Variants in STAB2 observed in about 807,000 individuals in gnomAD.
STAB2 encodes stabilin 2, also known as stabilin-2.
In STAB2, 288 loss-of-function variants were observed where a neutral mutation model predicts 338.1. The observed-to-expected ratio is 0.85, with a 90% CI of 0.77 to 0.94. The LOEUF is 0.94. STAB2 is among the 40% of genes least tolerant of loss of function. The probability of loss-of-function intolerance (pLI) is 0.00; values close to 1 mark genes in which losing one functional copy is unlikely to be tolerated. For missense variants in STAB2, 3,141 were observed against 3,210.1 expected, an observed-to-expected ratio of 0.98 and a Z score of 0.52; for synonymous variants, 1,202 against 1,193.3, an observed-to-expected ratio of 1.01 and a Z score of -0.15.
Position 103,650,566 on chromosome 12 carries a change from G to T in STAB2, c.1245G>T (p.Leu415=), listed in dbSNP as rs371422543. 3 of 1,612,810 alleles carry T rather than the reference G, an allele frequency of 1.9e-6. No individual in the cohort carries two copies. The highest frequency in any genetic ancestry group is 2.7e-5 in the African/African-American group (2 of 74,890). ...FTVLLPTDKG[L]KGFNVNELLV... is the part of the protein sequence containing the mutation. Reference sequence around the variant, plus strand: ...TGCTGTTACCTACAGACAAGGGACTGAAAGGATTCAATGTGAGTATTTAAA... The same window carrying T: ...TGCTGTTACCTACAGACAAGGGACTTAAAGGATTCAATGTGAGTATTTAAA... Residue 415 remains leucine (L), a synonymous_variant, in exon 11 of 69, where the codon CTG becomes CTT. Transcript: ENST00000388887.
chr12:103,763,393 C>T (rs991354135), intron 67 of STAB2, 99 bp from the exon 68 acceptor site: 17 of 905,476 alleles, frequency 1.9e-5, no homozygotes, highest in Non-Finnish European at 2.8e-5. Context: ...AAAGGAAAAG[C>T]TCCCAGAGGC....
At chr12:103,611,616 C>T (rs1032874083) in intron 3 of STAB2, among the ~76,000 whole-genome samples, 2 of 152,162 alleles carry the variant, frequency 1.3e-5, no homozygotes, top group Non-Finnish European at 2.9e-5. Flanking sequence ...GAGTACAGCA[C>T]ACTGATGGGT....
intron 26 of STAB2, among the ~76,000 whole-genome samples, chr12:103,684,666 C>T (rs1877232011): frequency 6.6e-6 from 1 of 152,232 alleles, no homozygotes; most frequent in Non-Finnish European, 1.5e-5. Context: ...TCTTTCAGCA[C>T]AAGTATGCCC....
intron 3 of STAB2, among the ~76,000 whole-genome samples, chr12:103,603,901 T>G (rs1344249558): frequency 6.6e-6 from 1 of 152,210 alleles, no homozygotes; most frequent in African/African-American, 2.4e-5. Flanking sequence ...TTATCACTGT[T>G]GTATAAATTT....
At chr12:103,742,650 T>C in intron 56 of STAB2, 96 bp downstream of exon 56, 1 of 1,564,956 alleles carries the variant, frequency 6.4e-7, no homozygotes, top group East Asian at 2.2e-5. Context: ...GGCATCCTTT[T>C]GTCCTTTCTC....
chr12:103,702,326 C>G (rs1878961805), intron 34 of STAB2, among the ~76,000 whole-genome samples: 1 of 148,328 alleles, frequency 6.7e-6, no homozygotes, highest in South Asian at 2.1e-4. Context: ...GAGTCTCGCT[C>G]TGTCGCCCAG....
intron 35 of STAB2, among the ~76,000 whole-genome samples, chr12:103,704,225 A>T (rs145703383): frequency 6.6e-6 from 1 of 152,242 alleles, no homozygotes. Flanking sequence ...GAAGCTGGGC[A>T]CTGGGTACAG....
chr12:103,761,252 T>C (rs1379965398), intron 65 of STAB2, 48 bp from the exon 66 acceptor site: 2 of 1,567,588 alleles, frequency 1.3e-6, no homozygotes, highest in Non-Finnish European at 1.8e-6. Context: ...CATGGAGGGC[T>C]GCCCACTCGG....
At position 103,683,282 on chromosome 12, in the gene STAB2, C is replaced by G. The variant is rs746505905; in HGVS notation, c.2883C>G (p.Thr961=). ...CEPITSCLEQ[T]GKCHPLASCQ... is the part of the protein sequence containing the mutation. ...CAATAACTTCATGCTTGGAACAAAC[C>G]GGGAAATGTCATCCATTGGTGAGTT... Residue 961 remains threonine, a synonymous_variant, in exon 26 of 69, where the codon ACC becomes ACG. Transcript: ENST00000388887. 1 of 1,607,942 alleles carries G rather than the reference C, an allele frequency of 6.2e-7. No homozygotes were observed. Among genetic ancestry groups the G allele is most frequent in the East Asian group, 2.2e-5 (1 of 44,600 alleles).
intron 1 of STAB2, 58 bp downstream of exon 1, chr12:103,587,615 C>T: frequency 6.9e-7 from 1 of 1,444,284 alleles, no homozygotes. Flanking sequence ...TGTTCAAAAG[C>T]TTGTCGTTTT....
intron 9 of STAB2, among the ~76,000 whole-genome samples, chr12:103,643,929 G>A (rs866638890): frequency 6.1e-4 from 54 of 88,248 alleles, no homozygotes; most frequent in Admixed American, 7.0e-4. Context: ...CCCTCTGCCC[G>A]GCCAGCCGCC....
intron 43 of STAB2, among the ~76,000 whole-genome samples, chr12:103,716,258 G>A (rs991525550): frequency 6.6e-6 from 1 of 152,214 alleles, no homozygotes; most frequent in Admixed American, 6.5e-5. Flanking sequence ...TGCCATGGTG[G>A]AAGATAATAC....
At chr12:103,695,925 C>T in intron 33 of STAB2, 81 bp downstream of exon 33, 2 of 1,306,368 alleles carry the variant, frequency 1.5e-6, no homozygotes, top group Admixed American at 3.5e-5. Context: ...TAGTTGTGTG[C>T]CATTTCACTC....
intron 60 of STAB2, among the ~76,000 whole-genome samples, chr12:103,752,730 T>C (rs976448415): frequency 6.6e-6 from 1 of 152,186 alleles, no homozygotes; most frequent in Non-Finnish European, 1.5e-5. Flanking sequence ...ACCAGAGAAA[T>C]TTTATAATTT....
At chr12:103,635,328 C>A (rs900483016) in intron 6 of STAB2, among the ~76,000 whole-genome samples, 1 of 152,214 alleles carries the variant, frequency 6.6e-6, no homozygotes, top group Non-Finnish European at 1.5e-5. Flanking sequence ...AACGTGAAGC[C>A]TTATCAATGA....
chr12:103,613,044 A>G (rs1221387801), intron 3 of STAB2, among the ~76,000 whole-genome samples: 2 of 152,146 alleles, frequency 1.3e-5, no homozygotes, highest in Non-Finnish European at 2.9e-5. Context: ...TTGTTCCTCT[A>G]GAAGTTTTGT....
Position 103,759,193 on chromosome 12 carries a change from G to A in STAB2, c.7168G>A (p.Asp2390Asn). The A allele has an allele frequency of 6.2e-7, 1 of 1,614,122 alleles. No individual in the cohort carries two copies. The highest frequency in any genetic ancestry group is 8.5e-7 in the Non-Finnish European group (1 of 1,180,024). ...CAATGTCAGCATGTTTTTCTACAATGACCTTGTCAATGGCACCACCCTGCA... is the reference window on the plus strand; with the variant it reads ...CAATGTCAGCATGTTTTTCTACAATAACCTTGTCAATGGCACCACCCTGCA... ...LANVSMFFYNDLVNGTTLQTR... is the reference protein window; with the variant it reads ...LANVSMFFYNNLVNGTTLQTR... The change falls in exon 65 of 69, where the codon GAC (aspartate) becomes AAC (asparagine). Residue 2390 changes from aspartate to asparagine, a missense_variant. Physicochemically the swap from Asp to Asn is conservative, Grantham distance 23. Transcript: ENST00000388887.
At chr12:103,612,111 C>G (rs1484129814) in intron 3 of STAB2, among the ~76,000 whole-genome samples, 3 of 152,192 alleles carry the variant, frequency 2.0e-5, no homozygotes, top group Non-Finnish European at 4.4e-5. Context: ...TCTGGCTGCC[C>G]TTAACATTTT....
chr12:103,685,061 C>T lies in STAB2; in HGVS notation c.2974C>T (p.Leu992=), dbSNP rs773960699. The T allele has an allele frequency of 4.3e-6, 7 of 1,613,946 alleles. No homozygotes were observed. The highest frequency in any genetic ancestry group is 3.3e-5 in the Admixed American group (2 of 60,022). The change falls in exon 27 of 69, where the codon CTG becomes TTG. Residue 992 remains leucine, a synonymous_variant. Transcript: ENST00000388887. Reference sequence around the variant, plus strand: ...AGAGGGCTATGAAGGAGATGGCTTTCTGTGCTATGGAAACGCAGCAGTGGT... The same window carrying T: ...AGAGGGCTATGAAGGAGATGGCTTTTTGTGCTATGGAAACGCAGCAGTGGT... The part of the protein sequence containing the change: ...CQEGYEGDGF[L]CYGNAAVELS...
Sources: gnomAD v4.1 joint callset for allele counts (sites outside exome capture counted in the v4.1 genomes callset) on GRCh38, gnomAD v4.1.1 for gene constraint, MANE v1.5 for transcripts, NCBI Gene and HGNC (gene_info 2026-07-23, HGNC 2026-07-21) for gene names.